Variants in MGAT4D observed in about 807,000 individuals in gnomAD.
MGAT4D encodes alpha-1,3-mannosyl-glycoprotein 4-beta-N-acetylglucosaminyltransferase-like protein MGAT4D.
In MGAT4D, 34 loss-of-function variants were observed where a neutral mutation model predicts 15.9. That is an observed-to-expected ratio of 2.14 (90% CI 1.62 to 2.84). The LOEUF is 2.84. Among genes scored for constraint, MGAT4D ranks in the 30% most tolerant of loss-of-function variants. MGAT4D has a pLI of 0.00. For synonymous variants in MGAT4D, 112 were observed against 48.2 expected, an observed-to-expected ratio of 2.33 and a Z score of -5.49; for missense variants, 327 against 140.2, an observed-to-expected ratio of 2.33 and a Z score of -6.73.
intron 3 of MGAT4D, among the ~76,000 whole-genome samples, chr4:140,476,549 A>G (rs1040450650): frequency 3.3e-5 from 5 of 152,204 alleles, no homozygotes; most frequent in Non-Finnish European, 7.3e-5. Context: ...AAGATACAGT[A>G]TGAAAGCAAT....
chr4:140,460,482 C>T (rs1050893107), intron 7 of MGAT4D, among the ~76,000 whole-genome samples: 1 of 152,180 alleles, frequency 6.6e-6, no homozygotes, highest in African/African-American at 2.4e-5. Flanking sequence ...ATCTAATTGT[C>T]TCCCACAGGC....
At chr4:140,464,768 C>T (rs1370847815) in intron 6 of MGAT4D, 128 bp downstream of exon 6, 1 of 607,646 alleles carries the variant, frequency 1.6e-6, no homozygotes, top group Non-Finnish European at 2.9e-6. Flanking sequence ...ATAGTTGGGT[C>T]TTGCAACCCA....
At chr4:140,471,077 A>G (rs1731907637) in intron 5 of MGAT4D, among the ~76,000 whole-genome samples, 1 of 151,852 alleles carries the variant, frequency 6.6e-6, no homozygotes, top group African/African-American at 2.4e-5. Flanking sequence ...TTTTCAGTAG[A>G]GACGGGGTTT....
intron 10 of MGAT4D, among the ~76,000 whole-genome samples, chr4:140,449,726 C>T (rs569477212): frequency 1.3e-5 from 2 of 151,820 alleles, no homozygotes; most frequent in African/African-American, 4.8e-5. Context: ...TGCCACTGCA[C>T]CCCAGGCTGG....
chr4:140,458,163 G>C (rs1730931988), intron 8 of MGAT4D: 1 of 152,122 alleles, frequency 6.6e-6, no homozygotes, highest in Non-Finnish European at 1.5e-5. Flanking sequence ...TCCACTCTAG[G>C]GGACATATAT....
At chr4:140,454,010 GTA>G (rs956951537) in intron 9 of MGAT4D, among the ~76,000 whole-genome samples, 6 of 138,988 alleles carry the variant, frequency 4.3e-5, no homozygotes, top group Admixed American at 1.5e-4. Flanking sequence ...GTTCTAGGAT[GTA>G]TGTGTGTGTG....
chr4:140,479,523 G>A lies in MGAT4D; in HGVS notation c.358C>T (p.Pro120Ser), dbSNP rs1421914709. ...PHLRKEGRIY[P>S]DVIIGKGKTG... ...TTCCCTTTGCCAATGATTACATCAG[G>A]ATAAATTCTACCTTCTTTCCTTAGA... is the stretch of plus-strand genomic sequence containing the variant. Residue 120 changes from proline (P) to serine (S), a missense_variant, in exon 3 of 11, where the codon CCT (proline) becomes TCT (serine). Transcript: ENST00000511113. 2 of 551,638 alleles carry A rather than the reference G, an allele frequency of 3.6e-6. No homozygotes were observed. The highest frequency in any genetic ancestry group is 6.4e-6 in the Non-Finnish European group (2 of 312,816). The allele number at this position is 551,638 out of a possible 1,614,324, so 34.2% of individuals were successfully genotyped here.
intron 9 of MGAT4D, among the ~76,000 whole-genome samples, chr4:140,454,392 A>C (rs991573965): frequency 5.9e-5 from 9 of 152,142 alleles, no homozygotes; most frequent in Non-Finnish European, 1.0e-4. Flanking sequence ...TCAGAATCTT[A>C]AATTGGTGGG....
At chr4:140,462,106 A>C in intron 6 of MGAT4D, 102 bp from the exon 7 acceptor site, 1 of 561,790 alleles carries the variant, frequency 1.8e-6, no homozygotes, top group Admixed American at 2.8e-5. Flanking sequence ...TACTAACAGT[A>C]CTAGCTACAA....
chr4:140,447,648 C>T (rs1377300234), intron 10 of MGAT4D, among the ~76,000 whole-genome samples: 3 of 151,760 alleles, frequency 2.0e-5, no homozygotes, highest in African/African-American at 7.3e-5. Context: ...TGAAGACTTG[C>T]TTTTTTATCC....
chr4:140,489,431 C>G (rs1426342596), intron 1 of MGAT4D, among the ~76,000 whole-genome samples: 1 of 152,028 alleles, frequency 6.6e-6, no homozygotes, highest in Non-Finnish European at 1.5e-5. Context: ...AATGAACATC[C>G]ATGAACCCAT....
chr4:140,453,384 T>A (rs1466584443), intron 9 of MGAT4D, among the ~76,000 whole-genome samples: 2 of 152,132 alleles, frequency 1.3e-5, no homozygotes, highest in Non-Finnish European at 2.9e-5. Context: ...TCCCAATCTA[T>A]GATCATGGTA....
At chr4:140,447,912 C>G (rs145153425) in intron 10 of MGAT4D, among the ~76,000 whole-genome samples, 1 of 152,186 alleles carries the variant, frequency 6.6e-6, no homozygotes, top group Non-Finnish European at 1.5e-5. Flanking sequence ...GTAATGAATT[C>G]TCTCAGCATT....
chr4:140,497,965 C>G (rs1005509194), intron 1 of MGAT4D, among the ~76,000 whole-genome samples, 164 bp downstream of exon 1: 1 of 152,112 alleles, frequency 6.6e-6, no homozygotes, highest in African/African-American at 2.4e-5. Flanking sequence ...GGGGTAGGCG[C>G]GGCCTCGGGA....
chr4:140,482,746 G>T (rs1732829612), intron 1 of MGAT4D, among the ~76,000 whole-genome samples: 1 of 151,972 alleles, frequency 6.6e-6, no homozygotes. Flanking sequence ...GATTATAAAT[G>T]ATTTTTTCCT....
intron 10 of MGAT4D, among the ~76,000 whole-genome samples, chr4:140,447,197 G>A (rs1730191026): frequency 1.3e-5 from 2 of 152,080 alleles, no homozygotes; most frequent in South Asian, 4.1e-4. Context: ...TTGGGGCAGA[G>A]AGTTCTGTAG....
intron 1 of MGAT4D, 121 bp downstream of exon 1, chr4:140,498,008 G>C: frequency 1.8e-6 from 1 of 543,832 alleles, no homozygotes; most frequent in Non-Finnish European, 3.2e-6. Flanking sequence ...GTGCCAGCGC[G>C]GGCGGCCGCC....
intron 1 of MGAT4D, among the ~76,000 whole-genome samples, chr4:140,485,130 A>G (rs1407995076): frequency 6.6e-6 from 1 of 152,236 alleles, no homozygotes; most frequent in Non-Finnish European, 1.5e-5. Flanking sequence ...TATTCACAAT[A>G]GCAAAGACTT....
At chr4:140,486,274 G>A (rs1398694828) in intron 1 of MGAT4D, among the ~76,000 whole-genome samples, 1 of 86,744 alleles carries the variant, frequency 1.2e-5, no homozygotes, top group East Asian at 7.5e-4. Flanking sequence ...TAATTTCATT[G>A]TTTTCTGCTA....
Sources: allele counts gnomAD v4.1 joint callset (sites outside exome capture counted in the v4.1 genomes callset), GRCh38; gene constraint gnomAD v4.1.1; transcripts MANE v1.5; gene names NCBI Gene and HGNC (gene_info 2026-07-23, HGNC 2026-07-21).